Variants in MDGA2 observed in about 807,000 individuals in gnomAD.
MDGA2 encodes the protein MAM domain containing glycosylphosphatidylinositol anchor 2.
A neutral mutation model predicts 117.8 loss-of-function variants in MDGA2; 40 were observed. The observed-to-expected ratio is 0.34, with a 90% confidence interval of 0.26 to 0.44. MDGA2 has a LOEUF of 0.44. Among genes scored for constraint, MDGA2 ranks in the 20% least tolerant of loss-of-function variants. The pLI is 1.00. For missense variants in MDGA2, 1,123 were observed against 1,250.6 expected, an observed-to-expected ratio of 0.90 and a Z score of 1.54; for synonymous variants, 452 against 439.0, an observed-to-expected ratio of 1.03 and a Z score of -0.37.
At chr14:46,992,113 T>C (rs1566563511) in intron 8 of MDGA2, among the ~76,000 whole-genome samples, 4 of 152,122 alleles carry the variant, frequency 2.6e-5, no homozygotes, top group African/African-American at 2.4e-5. Context: ...CTTTCAATAG[T>C]TGAGGTACAC....
intron 1 of MDGA2, among the ~76,000 whole-genome samples, chr14:47,392,493 A>G (rs1320075902): frequency 6.6e-6 from 1 of 152,122 alleles, no homozygotes; most frequent in African/African-American, 2.4e-5. Context: ...TTCAAGAAAA[A>G]TCTATGTTTA....
intron 9 of MDGA2, among the ~76,000 whole-genome samples, chr14:46,924,694 A>C (rs2138525055): frequency 6.6e-6 from 1 of 152,204 alleles, no homozygotes; most frequent in East Asian, 1.9e-4. Flanking sequence ...GAAAAAAAAA[A>C]CTCATACAGA....
At chr14:46,880,969 A>C (rs1486258626) in intron 11 of MDGA2, among the ~76,000 whole-genome samples, 4 of 151,104 alleles carry the variant, frequency 2.6e-5, no homozygotes, top group African/African-American at 9.7e-5. Context: ...TAGTGAAGAA[A>C]TATTTTATGC....
chr14:47,612,233 T>TAGAC (rs1228297874), intron 1 of MDGA2, among the ~76,000 whole-genome samples: 1 of 151,792 alleles, frequency 6.6e-6, no homozygotes, highest in Admixed American at 6.6e-5. Flanking sequence ...GATAGATAGA[T>TAGAC]AGATAGATAG....
intron 9 of MDGA2, among the ~76,000 whole-genome samples, chr14:46,932,246 C>T (rs760384368): frequency 2.0e-5 from 3 of 151,010 alleles, no homozygotes; most frequent in Non-Finnish European, 4.4e-5. Flanking sequence ...TTTTCTTTTC[C>T]TAAATTAAAA....
At chr14:47,589,844 A>G (rs547570246) in intron 1 of MDGA2, among the ~76,000 whole-genome samples, 1 of 152,050 alleles carries the variant, frequency 6.6e-6, no homozygotes, top group African/African-American at 2.4e-5. Context: ...ACTTCTTTCA[A>G]TAATATTTTG....
chr14:47,045,219 A>G lies in MDGA2; in HGVS notation c.1526-9915T>C, dbSNP rs72678446. Among the ~76,000 whole-genome samples the G allele has an allele frequency of 6.7e-3, 1,015 of 151,026 alleles. 2 individuals carry two copies. Among genetic ancestry groups the G allele is most frequent in the Non-Finnish European group, 0.01 (685 of 67,708 alleles). On this transcript the variant is annotated intron_variant, in intron 7 of 16. Transcript: ENST00000399232. ...TCTATTCTTGCTGCCTCATGAACAG[A>G]TAAGTGAATGGGACTTCAGCTAAGG...
chr14:47,330,776 A>G (rs1041391490), intron 1 of MDGA2, among the ~76,000 whole-genome samples: 1 of 151,962 alleles, frequency 6.6e-6, no homozygotes, highest in African/African-American at 2.4e-5. Context: ...TTTAACCACA[A>G]AGGCCATTTC....
At chr14:47,244,835 A>G (rs1402137047) in intron 2 of MDGA2, among the ~76,000 whole-genome samples, 2 of 151,772 alleles carry the variant, frequency 1.3e-5, no homozygotes, top group Non-Finnish European at 3.0e-5. Context: ...TTCTCTTAGA[A>G]CAAGATCATT....
intron 10 of MDGA2, among the ~76,000 whole-genome samples, chr14:46,901,028 A>G (rs528622784): frequency 6.6e-6 from 1 of 152,224 alleles, no homozygotes; most frequent in South Asian, 2.1e-4. Flanking sequence ...AAAAAGAAAA[A>G]AAACACTGCT....
At chr14:46,888,967 A>G (rs1882772304) in intron 10 of MDGA2, among the ~76,000 whole-genome samples, 1 of 152,020 alleles carries the variant, frequency 6.6e-6, no homozygotes, top group Admixed American at 6.6e-5. Context: ...TCCAGGTATT[A>G]CAGACCCTAA....
At chr14:47,345,550 T>C (rs943376322) in intron 1 of MDGA2, among the ~76,000 whole-genome samples, 4 of 151,980 alleles carry the variant, frequency 2.6e-5, no homozygotes, top group Non-Finnish European at 5.9e-5. Context: ...CTCTCAACTA[T>C]CTAGTGCCTG....
intron 10 of MDGA2, among the ~76,000 whole-genome samples, chr14:46,910,666 C>T (rs1170817024): frequency 6.6e-6 from 1 of 152,082 alleles, no homozygotes; most frequent in Admixed American, 6.6e-5. Flanking sequence ...AAAGGACATT[C>T]AAATAGGTAG....
chr14:47,317,152 C>T (rs1283325013), intron 1 of MDGA2, among the ~76,000 whole-genome samples: 1 of 152,028 alleles, frequency 6.6e-6, no homozygotes, highest in Non-Finnish European at 1.5e-5. Context: ...AAGAGCACCT[C>T]AGTAACAATG....
rs1341857920 is a variant in MDGA2 at position 46,877,473 on chromosome 14, G to A, written c.2437+16C>T. ...TATTAAATATAGTGCCATTTTGTAA[G>A]TTAAAATATACTTACTCAAATGAGG... On this transcript the variant is annotated intron_variant, in intron 12 of 16. Coordinates refer to ENST00000399232, the MANE Select transcript of MDGA2 (RefSeq NM_001113498.3). 7.1e-7 allele frequency: 1 copy of A among 1,407,046 alleles called. No homozygotes were observed. The highest frequency in any genetic ancestry group is 2.0e-5 in the Admixed American group (1 of 49,452). 87.2% of individuals were successfully genotyped at this position (1,407,046 alleles called of 1,614,324 possible).
At position 46,884,623 on chromosome 14, in the gene MDGA2, A is replaced by G. The variant is rs1882597172; in HGVS notation, c.2239-2402T>C. 1.3e-5 allele frequency among the ~76,000 whole-genome samples: 2 copies of G among 152,182 alleles called. No individual in the cohort carries two copies. The highest frequency in any genetic ancestry group is 6.6e-5 in the Admixed American group (1 of 15,258). On this transcript the variant is annotated intron_variant, in intron 10 of 16. Transcript: ENST00000399232. This position sits in a 1 kb window ranked among gnomAD's most constrained non-coding sequence, Gnocchi z 4.1. ...AAATTAAATAATGGCATGGGAAGAA[A>G]GCCCAAATATAAAATATATAGAGTG...
At chr14:47,058,987 C>A (rs1043100926) in intron 7 of MDGA2, 3 of 987,312 alleles carry the variant, frequency 3.0e-6, no homozygotes, top group Non-Finnish European at 2.4e-6. Flanking sequence ...AATTGAGGAG[C>A]TGCTCCTGTC....
intron 1 of MDGA2, among the ~76,000 whole-genome samples, chr14:47,660,086 A>G (rs1199142812): frequency 2.0e-5 from 3 of 152,152 alleles, no homozygotes; most frequent in Non-Finnish European, 2.9e-5. Flanking sequence ...ATACAATAAC[A>G]ACAGTTATAC....
chr14:47,511,787 T>A (rs943946951), intron 1 of MDGA2, among the ~76,000 whole-genome samples: 1 of 152,064 alleles, frequency 6.6e-6, no homozygotes. Context: ...ATGCAACTGG[T>A]AAAGCAGCCA....
Sources: allele counts gnomAD v4.1 joint callset (sites outside exome capture counted in the v4.1 genomes callset), GRCh38; gene constraint gnomAD v4.1.1; non-coding constraint Gnocchi (gnomAD v3.1); transcripts MANE v1.5; gene names NCBI Gene and HGNC (gene_info 2026-07-23, HGNC 2026-07-21).